UNC5A: variants seen among roughly 807,000 people sequenced by gnomAD.
UNC5A encodes netrin receptor UNC5A.
UNC5A carries 20 observed loss-of-function variants against 87.4 expected under a neutral mutation model. The ratio of observed to expected loss-of-function variants is 0.23; its 90% CI spans 0.16 to 0.33. UNC5A has a LOEUF of 0.33. UNC5A is among the 10% of genes least tolerant of loss of function. The pLI, the probability that UNC5A is intolerant of heterozygous loss-of-function variation, is 1.00. For missense variants in UNC5A, 844 were observed against 1,133.4 expected (o/e 0.74, Z 3.67); for synonymous variants, 438 against 482.3 (o/e 0.91, Z 1.20).
At chr5:176,828,420 G>A (rs753709379) in intron 1 of UNC5A, among the ~76,000 whole-genome samples, 8 of 152,104 alleles carry the variant, frequency 5.3e-5, no homozygotes, top group East Asian at 3.9e-4. Context: ...CCCACCCTGC[G>A]CTTCCTGGGC....
intron 1 of UNC5A, among the ~76,000 whole-genome samples, chr5:176,830,707 CGT>C (rs1339849789): frequency 1.3e-5 from 1 of 74,896 alleles, no homozygotes; most frequent in Non-Finnish European, 2.6e-5. Context: ...TGCACTGGCG[CGT>C]GTGTGTGCTG....
chr5:176,820,753 T>G (rs1349828816), intron 1 of UNC5A, among the ~76,000 whole-genome samples: 1 of 152,158 alleles, frequency 6.6e-6, no homozygotes, highest in Non-Finnish European at 1.5e-5. Context: ...GCACCTCCAG[T>G]GGATGTTTGT....
chr5:176,828,925 T>G (rs192775783), intron 1 of UNC5A, among the ~76,000 whole-genome samples: 289 of 151,920 alleles, frequency 1.9e-3, no homozygotes, highest in African/African-American at 6.1e-3. Context: ...GGTCAAGAGT[T>G]CGAGACCAGC....
At chr5:176,843,161 CAAA>C (rs546212256) in intron 1 of UNC5A, among the ~76,000 whole-genome samples, 3 of 90,226 alleles carry the variant, frequency 3.3e-5, no homozygotes, top group South Asian at 3.6e-4. Flanking sequence ...AACTCTGTCT[CAAA>C]AAAAAAAAAA....
intron 1 of UNC5A, among the ~76,000 whole-genome samples, chr5:176,854,626 G>C (rs1757624175): frequency 6.6e-6 from 1 of 152,214 alleles, no homozygotes; most frequent in Non-Finnish European, 1.5e-5. Context: ...TGGTTGATTG[G>C]AAGGTAAGCA....
intron 1 of UNC5A, among the ~76,000 whole-genome samples, chr5:176,827,657 GCATA>G (rs1281582371): frequency 6.6e-6 from 1 of 152,156 alleles, no homozygotes; most frequent in East Asian, 1.9e-4. Context: ...GTTCTGTTGG[GCATA>G]CACCTAGGAG....
chr5:176,850,522 A>G (rs1215424195), intron 1 of UNC5A, among the ~76,000 whole-genome samples: 2 of 152,066 alleles, frequency 1.3e-5, no homozygotes, highest in Non-Finnish European at 2.9e-5. Flanking sequence ...CAAGAGGCAG[A>G]AGGAGAGTCG....
chr5:176,850,631 C>A (rs945691580), intron 1 of UNC5A, among the ~76,000 whole-genome samples: 1 of 152,160 alleles, frequency 6.6e-6, no homozygotes, highest in African/African-American at 2.4e-5. Context: ...GAGAGCCGAG[C>A]CCGGGAAGCC....
chr5:176,818,960 G>T (rs930885650), intron 1 of UNC5A, among the ~76,000 whole-genome samples: 9 of 152,204 alleles, frequency 5.9e-5, no homozygotes, highest in Non-Finnish European at 8.8e-5. Flanking sequence ...GACTTGCCCG[G>T]GCCACACTTC....
rs569207274 is a variant in UNC5A at position 176,811,554 on chromosome 5, G to A, written c.70+734G>A. Among the ~76,000 whole-genome samples the A allele has an allele frequency of 4.6e-5, 7 of 152,266 alleles. No homozygotes were observed. In the South Asian group the frequency reaches 1.2e-3, roughly 27 times the overall value. ...TTCTTGGCCCCTGCATGCCCCATTG[G>A]TCACCCTAACCCACTGCTAACTCAG... On this transcript the variant is annotated intron_variant, in intron 1 of 14. Transcript: ENST00000329542.
Position 176,874,557 on chromosome 5 carries a change from C to T in UNC5A, c.1369C>T (p.Pro457Ser). ...CTTCCTCGGGGGCCGGCTGATGATCCCTAATACAGGTAGGAAGGACCCCAG... is the reference window on the plus strand; with the variant it reads ...CTTCCTCGGGGGCCGGCTGATGATCTCTAATACAGGTAGGAAGGACCCCAG... ...FNFLGGRLMI[P>S]NTGISLLIPP... Residue 457 changes from proline to serine, a missense_variant, in exon 8 of 15, where the codon CCT (proline) becomes TCT (serine). This residue lies in a region of UNC5A where 353 missense variants were observed against 387.5 expected (regional missense o/e 0.91). Transcript: ENST00000329542. The surrounding 1 kb of genome is among the most constrained non-coding windows in gnomAD (Gnocchi z 7.6). 1 of 1,553,172 alleles carries T rather than the reference C, an allele frequency of 6.4e-7. No individual in the cohort carries two copies. The highest frequency in any genetic ancestry group is 8.7e-7 in the Non-Finnish European group (1 of 1,144,998).
At position 176,869,583 on chromosome 5, in the gene UNC5A, C is replaced by A; in HGVS notation, c.721+619C>A. ...CAGTGTATCTGAGGACGCCCCCGCT[C>A]CCTGACCCCAGTCCTTCTCTGTCCG... On this transcript the variant is annotated intron_variant, in intron 5 of 14. Coordinates refer to ENST00000329542, the MANE Select transcript of UNC5A (RefSeq NM_133369.3). This position sits in a 1 kb window ranked among gnomAD's most constrained non-coding sequence, Gnocchi z 9.1. 1.4e-6 allele frequency: 1 copy of A among 689,732 alleles called. No individual in the cohort carries two copies. The highest frequency in any genetic ancestry group is 2.6e-6 in the Non-Finnish European group (1 of 377,478). 42.7% of individuals were successfully genotyped at this position (689,732 alleles called of 1,614,324 possible). A position where few individuals can be genotyped will look rare whatever the true frequency, so the allele number is the denominator to read the frequency against.
intron 1 of UNC5A, among the ~76,000 whole-genome samples, chr5:176,861,452 G>C (rs1378035823): frequency 1.3e-5 from 2 of 152,216 alleles, no homozygotes; most frequent in East Asian, 1.9e-4. Context: ...GTGAAACCAG[G>C]GTCCTGGTGA....
chr5:176,845,063 C>G (rs1178786236), intron 1 of UNC5A, among the ~76,000 whole-genome samples: 1 of 152,214 alleles, frequency 6.6e-6, no homozygotes, highest in African/African-American at 2.4e-5. Flanking sequence ...CGCAACCAGG[C>G]AGGAAATGAC....
rs1201756333 is a variant in UNC5A at position 176,870,524 on chromosome 5, C to T, written c.876C>T (p.Leu292=). ...DLDTRNCTSD[L]CVHTASGPED... Reference sequence around the variant, plus strand: ...ACACCCGCAACTGTACCAGTGACCTCTGTGTACACAGTGAGTCCTCTCTGC... The same window carrying T: ...ACACCCGCAACTGTACCAGTGACCTTTGTGTACACAGTGAGTCCTCTCTGC... The change falls in exon 6 of 15, where the codon CTC becomes CTT. Residue 292 remains leucine, a synonymous_variant. Coordinates refer to ENST00000329542, the MANE Select transcript of UNC5A (RefSeq NM_133369.3). 4.4e-6 allele frequency: 7 copies of T among 1,595,426 alleles called. No homozygotes were observed. Among genetic ancestry groups the T allele is most frequent in the Non-Finnish European group, 6.0e-6 (7 of 1,167,300 alleles).
chr5:176,862,662 G>A lies in UNC5A; in HGVS notation c.109G>A (p.Gly37Ser). 1 of 1,613,602 alleles carries A rather than the reference G, an allele frequency of 6.2e-7. No homozygotes were observed. Among genetic ancestry groups the A allele is most frequent in the Non-Finnish European group, 8.5e-7 (1 of 1,179,986 alleles). ...QSATVANPVP[G>S]ANPDLLPHFL... ...TGCCACCGTGGCCAACCCAGTGCCT[G>A]GTGCCAACCCGGACCTGCTTCCCCA... The change falls in exon 2 of 15, where the codon GGT becomes AGT. Residue 37 changes from glycine to serine, a missense_variant. By Grantham distance (56) the Gly-to-Ser change is moderately conservative. Around this residue, in one of 3 missense-constraint regions of UNC5A, gnomAD observed 314 missense variants for 466.5 expected, o/e 0.67. Coordinates refer to ENST00000329542, the MANE Select transcript of UNC5A (RefSeq NM_133369.3).
intron 2 of UNC5A, among the ~76,000 whole-genome samples, chr5:176,867,239 T>G (rs1757997172): frequency 6.6e-6 from 1 of 152,138 alleles, no homozygotes; most frequent in Non-Finnish European, 1.5e-5. Context: ...ATGCTGGTTT[T>G]GGCTACAGAC....
chr5:176,870,707 G>A (rs536370520), intron 6 of UNC5A, among the ~76,000 whole-genome samples, 173 bp downstream of exon 6: 6 of 152,040 alleles, frequency 3.9e-5, no homozygotes, highest in South Asian at 2.1e-4. Flanking sequence ...GGGCCCAGGC[G>A]CGCCCCACCA....
At chr5:176,839,858 C>G (rs1008529301) in intron 1 of UNC5A, among the ~76,000 whole-genome samples, 1 of 148,170 alleles carries the variant, frequency 6.7e-6, no homozygotes, top group African/African-American at 2.5e-5. Context: ...ACTCTGTCGC[C>G]CAGGCTGGAA....
Sources: allele counts gnomAD v4.1 joint callset (sites outside exome capture counted in the v4.1 genomes callset), GRCh38; gene constraint gnomAD v4.1.1; regional missense constraint gnomAD v4.1.1; non-coding constraint Gnocchi (gnomAD v3.1); transcripts MANE v1.5; gene names NCBI Gene and HGNC (gene_info 2026-07-23, HGNC 2026-07-21).